RHOBTB3: variants seen among roughly 807,000 people sequenced by gnomAD.
RHOBTB3 encodes the protein Rho related BTB domain containing 3, also known as rho-related BTB domain-containing protein 3.
A neutral mutation model predicts 67.2 loss-of-function variants in RHOBTB3; 47 were observed. The observed-to-expected ratio is 0.70, with a 90% CI of 0.55 to 0.89. RHOBTB3 has a LOEUF of 0.89. RHOBTB3 is among the 40% of genes least tolerant of loss of function. The probability of loss-of-function intolerance (pLI) is 0.00; values close to 1 mark genes in which losing one functional copy is unlikely to be tolerated. For missense variants in RHOBTB3, 631 were observed against 750.0 expected (o/e 0.84, Z 1.85); for synonymous variants, 273 against 274.2 (o/e 1.00, Z 0.04).
chr5:95,764,465 T>C (rs1212940294), intron 7 of RHOBTB3, among the ~76,000 whole-genome samples: 1 of 152,238 alleles, frequency 6.6e-6, no homozygotes, highest in African/African-American at 2.4e-5. Context: ...AAACAGACTT[T>C]GTATATTGCC....
At chr5:95,733,787 G>A (rs1755375434) in intron 2 of RHOBTB3, among the ~76,000 whole-genome samples, 5 of 152,134 alleles carry the variant, frequency 3.3e-5, no homozygotes, top group Admixed American at 2.6e-4. Context: ...GGTAAGTAAA[G>A]CCCATCAGAG....
In RHOBTB3 at chr5:95,737,564, CTGCTTCAGCCATTGCTGCTG is replaced by C. The variant is rs559735381; in HGVS notation, c.415+493_415+512del. On this transcript the variant is annotated intron_variant, in intron 3 of 11. Transcript: ENST00000379982. Reference sequence around the variant, plus strand: ...GGCTGATAGATTCATTGGGTTCAGGCTGCTTCAGCCATTGCTGCTGTGCATATTATTGTCAGATATCTTAG... The same window carrying C: ...GGCTGATAGATTCATTGGGTTCAGGCTGCATATTATTGTCAGATATCTTAG... Among the ~76,000 whole-genome samples the C allele has an allele frequency of 2.6e-3, 391 of 152,296 alleles. 1 individual carries two copies. The highest frequency in any genetic ancestry group is 8.8e-3 in the African/African-American group (367 of 41,558).
chr5:95,736,834 C>A, intron 2 of RHOBTB3, 55 bp from the exon 3 acceptor site: 1 of 1,143,132 alleles, frequency 8.7e-7, no homozygotes, highest in Non-Finnish European at 1.2e-6. Context: ...TAAATTATTT[C>A]AGGATTGATT....
At position 95,741,456 on chromosome 5, in the gene RHOBTB3, AATTAAATATTACAC is replaced by A. The variant is rs1755594997; in HGVS notation, c.415+4386_415+4399del. Among the ~76,000 whole-genome samples, 6 of 150,780 alleles carry A rather than the reference AATTAAATATTACAC, an allele frequency of 4.0e-5. No individual in the cohort carries two copies. In the South Asian group the frequency reaches 1.3e-3, roughly 31 times the overall value. The stretch of plus-strand genomic sequence containing the variant: ...TTGTCTTTTAACCAATCCAGGATGC[AATTAAATATTACAC>A]ATTACATTTAGTTGTTATATCTCTC... On this transcript the variant is annotated intron_variant, in intron 3 of 11. Coordinates refer to ENST00000379982, the MANE Select transcript of RHOBTB3 (RefSeq NM_014899.4).
At chr5:95,762,161 T>C (rs1029150406) in intron 6 of RHOBTB3, among the ~76,000 whole-genome samples, 6 of 152,144 alleles carry the variant, frequency 3.9e-5, no homozygotes, top group Non-Finnish European at 7.3e-5. Context: ...GTTGATAGCA[T>C]CAAAAAATGG....
intron 6 of RHOBTB3, among the ~76,000 whole-genome samples, chr5:95,761,754 C>T (rs1206473626): frequency 1.3e-5 from 2 of 152,150 alleles, no homozygotes; most frequent in South Asian, 2.1e-4. Context: ...ATTTATAATA[C>T]ACAGGTATGG....
chr5:95,726,502 C>G (rs1440587807), upstream of RHOBTB3, among the ~76,000 whole-genome samples: 1 of 152,198 alleles, frequency 6.6e-6, no homozygotes, highest in East Asian at 1.9e-4. Flanking sequence ...TGTCTATTAA[C>G]TATAATATGC....
chr5:95,735,586 A>G (rs960911250), intron 2 of RHOBTB3, among the ~76,000 whole-genome samples: 2 of 152,188 alleles, frequency 1.3e-5, no homozygotes, highest in African/African-American at 4.8e-5. Flanking sequence ...TCTTAGCTCA[A>G]CAGCTTTTGG....
In RHOBTB3 at chr5:95,735,946, C is replaced by CA. The variant is rs1259773402; in HGVS notation, c.229-936dup. 7.2e-5 allele frequency among the ~76,000 whole-genome samples: 11 copies of CA among 152,114 alleles called. No homozygotes were observed. In the East Asian group the frequency reaches 1.2e-3, roughly 16 times the overall value. ...TTGAAACCCCATCTCTGCTAAAGTA[C>CA]AAAAAAATTAGCCGGAATGGTGGTA... is the stretch of plus-strand genomic sequence containing the variant. On this transcript the variant is annotated intron_variant, in intron 2 of 11. Transcript: ENST00000379982.
rs1478470398 is a variant in RHOBTB3 at position 95,732,047 on chromosome 5, G to T, written c.191G>T (p.Gly64Val). 1 of 1,614,212 alleles carries T rather than the reference G, an allele frequency of 6.2e-7. No individual in the cohort carries two copies. Among genetic ancestry groups the T allele is most frequent in the Non-Finnish European group, 8.5e-7 (1 of 1,180,044 alleles). ...ACCGAGTATCAGGCCAGTGCGTTTG[G>T]GAATGTCAAGCTGGTGGTCCACGAC... ...VFTEYQASAF[G>V]NVKLVVHDCP... The change falls in exon 2 of 12, where the codon GGG becomes GTG. Residue 64 changes from glycine (G) to valine (V), a missense_variant. By Grantham distance (109) the Gly-to-Val change is moderately radical. Transcript: ENST00000379982.
intron 3 of RHOBTB3, among the ~76,000 whole-genome samples, chr5:95,738,772 G>C (rs917259248): frequency 6.6e-6 from 1 of 151,986 alleles, no homozygotes; most frequent in Non-Finnish European, 1.5e-5. Flanking sequence ...AACGGACTAA[G>C]ACACCACTTA....
intron 2 of RHOBTB3, 33 bp downstream of exon 2, chr5:95,732,117 G>T (rs1441809220): frequency 7.5e-6 from 12 of 1,597,568 alleles, no homozygotes; most frequent in South Asian, 1.1e-5. Flanking sequence ...CGCTGAGGCT[G>T]AAGAAGCTTT....
At chr5:95,770,934 G>GAA (rs779732968) in intron 8 of RHOBTB3, among the ~76,000 whole-genome samples, 1 of 143,568 alleles carries the variant, frequency 7.0e-6, no homozygotes, top group African/African-American at 2.6e-5. Flanking sequence ...TTGTATTTTT[G>GAA]AAAAAAAAAA....
intron 3 of RHOBTB3, among the ~76,000 whole-genome samples, chr5:95,744,522 T>C (rs896043180): frequency 6.6e-6 from 1 of 152,166 alleles, no homozygotes; most frequent in Non-Finnish European, 1.5e-5. Flanking sequence ...TAAACGTTTA[T>C]TCAATGAGTG....
chr5:95,782,792 A>AT (rs1306325281), intron 9 of RHOBTB3: 1 of 147,332 alleles, frequency 6.8e-6, no homozygotes, highest in East Asian at 2.0e-4. Context: ...CCTGGACGAC[A>AT]GAGTGAGACT....
At chr5:95,730,372 T>C (rs1357214581), upstream of RHOBTB3, among the ~76,000 whole-genome samples, 4 of 152,240 alleles carry the variant, frequency 2.6e-5, no homozygotes, top group African/African-American at 9.6e-5. Flanking sequence ...TAATACTGTA[T>C]GGAGGAGTCT....
intron 6 of RHOBTB3, among the ~76,000 whole-genome samples, chr5:95,760,507 T>C (rs1188130623): frequency 1.3e-5 from 2 of 152,236 alleles, no homozygotes; most frequent in African/African-American, 4.8e-5. Flanking sequence ...TAGACAAATA[T>C]GTGGAAGCAA....
At chr5:95,770,900 G>T (rs1333320732) in intron 8 of RHOBTB3, among the ~76,000 whole-genome samples, 2 of 151,784 alleles carry the variant, frequency 1.3e-5, no homozygotes, top group Admixed American at 6.6e-5. Flanking sequence ...TGCTGTCATT[G>T]TCCATGCCTA....
At chr5:95,758,453 G>A (rs1030597789) in intron 6 of RHOBTB3, among the ~76,000 whole-genome samples, 3 of 152,200 alleles carry the variant, frequency 2.0e-5, no homozygotes, top group Non-Finnish European at 4.4e-5. Context: ...AGAGTGAAAG[G>A]TGATGGCTGG....
Sources: allele counts gnomAD v4.1 joint callset (sites outside exome capture counted in the v4.1 genomes callset), GRCh38; gene constraint gnomAD v4.1.1; transcripts MANE v1.5; gene names NCBI Gene and HGNC (gene_info 2026-07-23, HGNC 2026-07-21).